The following TET3 variants were observed in gnomAD, a reference collection of about 807,000 sequenced individuals.
TET3 encodes tet methylcytosine dioxygenase 3.
In TET3, 19 loss-of-function variants were observed where a neutral mutation model predicts 141.4. The ratio of observed to expected loss-of-function variants is 0.13; its 90% CI spans 0.09 to 0.20. The LOEUF is 0.20. Ranked by LOEUF, TET3 falls within the 10% of genes least tolerant of loss-of-function variation. The pLI is 1.00. For synonymous variants in TET3, 1,043 were observed against 980.9 expected (o/e 1.06, Z -1.18); for missense variants, 1,874 against 2,356.9 (o/e 0.80, Z 4.24).
intron 8 of TET3, among the ~76,000 whole-genome samples, chr2:74,091,008 A>G (rs963277691): frequency 6.6e-6 from 1 of 152,174 alleles, no homozygotes; most frequent in African/African-American, 2.4e-5. Flanking sequence ...CACCCTCTCT[A>G]CACCAAAGCC....
intron 6 of TET3, among the ~76,000 whole-genome samples, chr2:74,084,435 T>G (rs192447669): frequency 4.0e-5 from 6 of 151,002 alleles, no homozygotes; most frequent in South Asian, 2.1e-4. Flanking sequence ...AAGACCAGCC[T>G]GGTAAGACCA....
the TET3 span, among the ~76,000 whole-genome samples, chr2:74,113,806 T>C: frequency 6.6e-6 from 1 of 151,668 alleles, no homozygotes; most frequent in Non-Finnish European, 1.5e-5. Context: ...TTGAAGAGGA[T>C]ACAAACAAAT....
At chr2:73,991,371 G>A (rs1319307389) in intron 2 of TET3, among the ~76,000 whole-genome samples, 1 of 151,762 alleles carries the variant, frequency 6.6e-6, no homozygotes, top group East Asian at 2.0e-4. Context: ...ATCACCTGAG[G>A]TCAGGAATTC....
At chr2:74,028,782 A>G (rs1412891544) in intron 3 of TET3, among the ~76,000 whole-genome samples, 1 of 152,256 alleles carries the variant, frequency 6.6e-6, no homozygotes, top group Non-Finnish European at 1.5e-5. Flanking sequence ...AAAAATAAGA[A>G]TGAATTACTA....
chr2:74,053,619 C>T (rs1276070905), intron 4 of TET3, among the ~76,000 whole-genome samples: 1 of 152,114 alleles, frequency 6.6e-6, no homozygotes, highest in African/African-American at 2.4e-5. Context: ...GATTGTTCTT[C>T]CCTGAAGAAG....
intron 11 of TET3, 54 bp from the exon 12 acceptor site, chr2:74,100,339 C>T (rs930631848): frequency 1.2e-5 from 19 of 1,528,000 alleles, no homozygotes; most frequent in Non-Finnish European, 1.6e-5. Context: ...CCCAGGGCCT[C>T]TCCAGGCTGT....
the TET3 span, among the ~76,000 whole-genome samples, chr2:74,120,214 CG>C: frequency 4.3e-4 from 65 of 152,342 alleles, no homozygotes; most frequent in African/African-American, 1.4e-3. Context: ...CCGGCTCCCC[CG>C]CCCGCCCAAC....
the TET3 span, among the ~76,000 whole-genome samples, chr2:74,129,534 G>A: frequency 6.6e-6 from 1 of 151,902 alleles, no homozygotes; most frequent in Non-Finnish European, 1.5e-5. Flanking sequence ...TCAGGAGGCT[G>A]AGGTGGGAGA....
chr2:73,990,978 T>A (rs1226386348), intron 2 of TET3, among the ~76,000 whole-genome samples: 1 of 152,024 alleles, frequency 6.6e-6, no homozygotes, highest in Non-Finnish European at 1.5e-5. Context: ...GGGAGGAGTG[T>A]TTGTATTTTT....
At chr2:74,126,371 C>G in the TET3 span, among the ~76,000 whole-genome samples, 1 of 152,238 alleles carries the variant, frequency 6.6e-6, no homozygotes, top group Admixed American at 6.5e-5. Flanking sequence ...TCAGCTCACA[C>G]TTTCCTAGGC....
At chr2:74,013,235 C>A (rs943506816) in intron 3 of TET3, among the ~76,000 whole-genome samples, 3 of 151,884 alleles carry the variant, frequency 2.0e-5, no homozygotes, top group Non-Finnish European at 4.4e-5. Flanking sequence ...ACCTCATGAT[C>A]CGCCCACCTC....
At chr2:74,002,459 A>G (rs1230206165) in intron 2 of TET3, among the ~76,000 whole-genome samples, 1 of 148,400 alleles carries the variant, frequency 6.7e-6, no homozygotes, top group African/African-American at 2.5e-5. Context: ...CCTTCTGGGT[A>G]TTACCTTCGG....
chr2:74,091,690 C>G (rs1425980618), intron 8 of TET3, among the ~76,000 whole-genome samples: 1 of 152,276 alleles, frequency 6.6e-6, no homozygotes, highest in Non-Finnish European at 1.5e-5. Context: ...CCTTCCATTT[C>G]TCATTCTGTG....
chr2:74,025,625 A>T (rs1026404536), intron 3 of TET3, among the ~76,000 whole-genome samples: 4 of 152,174 alleles, frequency 2.6e-5, no homozygotes. Flanking sequence ...CAAAATCAGG[A>T]AGTTAATGTG....
chr2:74,093,927 G>GT lies in TET3; in HGVS notation c.3267+261_3267+262insT, dbSNP rs1185613204. 6.6e-6 allele frequency among the ~76,000 whole-genome samples: 1 copy of GT among 152,170 alleles called. No individual in the cohort carries two copies. The highest frequency in any genetic ancestry group is 2.4e-5 in the African/African-American group (1 of 41,432). On this transcript the variant is annotated intron_variant, in intron 10 of 11. Transcript: ENST00000409262. This position sits in a 1 kb window ranked among gnomAD's most constrained non-coding sequence, Gnocchi z 4.2. Reference sequence around the variant, plus strand: ...CAGGATGTAGCCCCTCAAGCACCTGGAGTGCCCAGTTATCTAAAGCGTGGG... The same window carrying GT: ...CAGGATGTAGCCCCTCAAGCACCTGGTAGTGCCCAGTTATCTAAAGCGTGGG...
chr2:74,065,659 T>G (rs1688850642), intron 4 of TET3, among the ~76,000 whole-genome samples: 1 of 151,434 alleles, frequency 6.6e-6, no homozygotes, highest in Non-Finnish European at 1.5e-5. Context: ...TCTTCTTTTC[T>G]TTTTTCTTTC....
intron 4 of TET3, among the ~76,000 whole-genome samples, chr2:74,061,553 C>T (rs1370043456): frequency 6.9e-6 from 1 of 145,056 alleles, no homozygotes; most frequent in African/African-American, 2.5e-5. Context: ...CGGGCAGAGG[C>T]GCCCCTCACC....
chr2:74,101,259 G>C lies in TET3; in HGVS notation c.4471G>C (p.Gly1491Arg). The change falls in exon 12 of 12, where the codon GGG (glycine) becomes CGG (arginine). Residue 1491 changes from glycine to arginine, a missense_variant. Physicochemically the swap from Gly to Arg is moderately radical, Grantham distance 125. Around this residue, in one of 10 missense-constraint regions of TET3, gnomAD observed 602 missense variants for 590.2 expected, o/e 1.02. Coordinates refer to ENST00000409262, the MANE Select transcript of TET3 (RefSeq NM_001287491.2). This position sits in a 1 kb window ranked among gnomAD's most constrained non-coding sequence, Gnocchi z 8.5. ...TTCCCACTTCACAGATGGCCAGTGGGGGCTGTTCCCCGGTGAGGGGCAGCA... is the reference window on the plus strand; with the variant it reads ...TTCCCACTTCACAGATGGCCAGTGGCGGCTGTTCCCCGGTGAGGGGCAGCA... ...APSHFTDGQW[G>R]LFPGEGQQAA... The C allele has an allele frequency of 6.2e-7, 1 of 1,612,696 alleles. No individual in the cohort carries two copies. The highest frequency in any genetic ancestry group is 8.5e-7 in the Non-Finnish European group (1 of 1,179,392).
intron 5 of TET3, among the ~76,000 whole-genome samples, chr2:74,074,293 TA>T (rs138493153): frequency 0.016 from 2,398 of 152,328 alleles, 27 homozygotes; most frequent in Non-Finnish European, 0.026. Context: ...CTCTGTCTAC[TA>T]GGGGCACTCA....
Sources: allele counts gnomAD v4.1 joint callset (sites outside exome capture counted in the v4.1 genomes callset), GRCh38; gene constraint gnomAD v4.1.1; regional missense constraint gnomAD v4.1.1; non-coding constraint Gnocchi (gnomAD v3.1); transcripts MANE v1.5; gene names NCBI Gene and HGNC (gene_info 2026-07-23, HGNC 2026-07-21).